Variants in WWOX observed in about 807,000 individuals in gnomAD.
The protein encoded by WWOX is WW domain-containing oxidoreductase.
WWOX carries 69 observed loss-of-function variants against 46.2 expected under a neutral mutation model. The ratio of observed to expected loss-of-function variants is 1.49; its 90% confidence interval spans 1.23 to 1.82. WWOX has a LOEUF of 1.82. Among genes scored for constraint, WWOX ranks in the 40% most tolerant of loss-of-function variants. The pLI, the probability that WWOX is intolerant of heterozygous loss-of-function variation, is 0.00. For synonymous variants in WWOX, 359 were observed against 202.6 expected (o/e 1.77, Z -6.56); for missense variants, 919 against 542.6 (o/e 1.69, Z -6.89).
intron 8 of WWOX, among the ~76,000 whole-genome samples, chr16:78,629,800 C>T (rs888960704): frequency 2.6e-5 from 4 of 152,126 alleles, no homozygotes; most frequent in Non-Finnish European, 2.9e-5. Flanking sequence ...TCTTTGAACT[C>T]ATTCCAAAAA....
At chr16:78,524,428 A>ATTTGTTTG (rs1428287142) in intron 8 of WWOX, among the ~76,000 whole-genome samples, 4 of 148,194 alleles carry the variant, frequency 2.7e-5, no homozygotes, top group African/African-American at 1.0e-4. Context: ...TTATTTATTT[A>ATTTGTTTG]TTTGTTTGTT....
intron 8 of WWOX, among the ~76,000 whole-genome samples, chr16:79,201,849 G>T (rs1162513975): frequency 6.6e-6 from 1 of 152,078 alleles, no homozygotes; most frequent in Non-Finnish European, 1.5e-5. Flanking sequence ...TGTTTTATAA[G>T]CTCAGGTGAT....
chr16:79,060,040 C>G (rs979336140), intron 8 of WWOX, among the ~76,000 whole-genome samples: 7 of 152,150 alleles, frequency 4.6e-5, no homozygotes, highest in African/African-American at 1.7e-4. Flanking sequence ...TGATAAATAA[C>G]TGAAACCAAA....
intron 8 of WWOX, among the ~76,000 whole-genome samples, chr16:78,558,780 C>T (rs2044364805): frequency 6.6e-6 from 1 of 152,356 alleles, no homozygotes; most frequent in South Asian, 2.1e-4. Context: ...TCACATTCTT[C>T]TGCCTAGAGT....
In WWOX at chr16:78,319,987, C is replaced by T. The variant is rs190903811; in HGVS notation, c.517-66873C>T. Among the ~76,000 whole-genome samples, 8 of 152,302 alleles carry T rather than the reference C, an allele frequency of 5.3e-5. No individual in the cohort carries two copies. In the East Asian group the frequency reaches 1.5e-3, roughly 29 times the overall value. On this transcript the variant is annotated intron_variant, in intron 5 of 8. Transcript: ENST00000566780. ...AATCAGAATTCCCTCCTAATGTAAA[C>T]TCTCATTATATCTTTTAACTTTATT...
intron 8 of WWOX, among the ~76,000 whole-genome samples, chr16:78,453,209 A>T (rs1169085986): frequency 1.3e-5 from 2 of 152,078 alleles, no homozygotes; most frequent in Non-Finnish European, 2.9e-5. Flanking sequence ...GGATTACCTA[A>T]GGTCAGGAGT....
intron 8 of WWOX, among the ~76,000 whole-genome samples, chr16:79,100,699 G>A (rs1242457435): frequency 2.0e-5 from 3 of 152,086 alleles, no homozygotes; most frequent in Non-Finnish European, 2.9e-5. Context: ...TCAGCCTAAG[G>A]GGGTGCTTCA....
At chr16:78,701,633 C>A (rs2048220358) in intron 8 of WWOX, among the ~76,000 whole-genome samples, 3 of 152,194 alleles carry the variant, frequency 2.0e-5, no homozygotes, top group Admixed American at 2.0e-4. Flanking sequence ...CTCCTTCTTT[C>A]CCTCTCCTCT....
intron 5 of WWOX, among the ~76,000 whole-genome samples, chr16:78,375,846 T>C (rs1379316078): frequency 7.1e-6 from 1 of 141,506 alleles, no homozygotes; most frequent in Non-Finnish European, 1.5e-5. Context: ...GAGTAACATG[T>C]ATAGGATTTT....
chr16:78,248,485 C>T (rs1227256537), intron 5 of WWOX, among the ~76,000 whole-genome samples: 1 of 152,130 alleles, frequency 6.6e-6, no homozygotes, highest in Non-Finnish European at 1.5e-5. Context: ...TCTGTAATCC[C>T]AGCACTTTGG....
chr16:78,340,748 G>T (rs1250235421), intron 5 of WWOX, among the ~76,000 whole-genome samples: 1 of 118,126 alleles, frequency 8.5e-6, no homozygotes, highest in Non-Finnish European at 2.0e-5. Flanking sequence ...TCTGCTTGGG[G>T]AAGGTGTAGC....
intron 5 of WWOX, among the ~76,000 whole-genome samples, chr16:78,283,618 G>A (rs55857801): frequency 0.058 from 8,752 of 151,944 alleles, 330 homozygotes; most frequent in South Asian, 0.14. Context: ...ATTTATTCCT[G>A]GTTTCCTGTG....
intron 8 of WWOX, among the ~76,000 whole-genome samples, chr16:78,848,068 C>G (rs539378352): frequency 1.3e-5 from 2 of 152,324 alleles, no homozygotes; most frequent in South Asian, 4.1e-4. Context: ...ACTAGCCAAG[C>G]TACCACCTGA....
intron 8 of WWOX, among the ~76,000 whole-genome samples, chr16:78,767,451 G>A (rs1159239729): frequency 2.0e-5 from 3 of 148,966 alleles, no homozygotes; most frequent in African/African-American, 7.5e-5. Context: ...TGTTATGGCT[G>A]AATAATGTTT....
chr16:78,426,130 C>T lies in WWOX; in HGVS notation c.791+1075C>T, dbSNP rs148995763. Among the ~76,000 whole-genome samples, 11 of 152,266 alleles carry T rather than the reference C, an allele frequency of 7.2e-5. No homozygotes were observed. In the East Asian group the frequency reaches 1.9e-3, roughly 27 times the overall value. On this transcript the variant is annotated intron_variant, in intron 7 of 8. Coordinates refer to ENST00000566780, the MANE Select transcript of WWOX (RefSeq NM_016373.4). ...GTAAATGCCAGTAATAATCCTCCCC[C>T]GTGTTAAAAGACATGAAACATCTAG...
At chr16:79,069,681 G>A (rs79682937) in intron 8 of WWOX, among the ~76,000 whole-genome samples, 1,645 of 152,116 alleles carry the variant, frequency 0.011, 28 homozygotes, top group African/African-American at 0.037. Context: ...ATGTCAGTGT[G>A]CAAATAGAAA....
In WWOX at chr16:78,422,838, TACATATACACACACACACAC is replaced by T. The variant is rs1567563685; in HGVS notation, c.606-2028_606-2009del. On this transcript the variant is annotated intron_variant, in intron 6 of 8. Transcript: ENST00000566780. ...ATATATACACACACATATATATATA[TACATATACACACACACACAC>T]ACACACACACACACACACACACACA... Among the ~76,000 whole-genome samples, 297 of 96,418 alleles carry T rather than the reference TACATATACACACACACACAC, an allele frequency of 3.1e-3. 8 individuals are homozygous for T. The highest frequency in any genetic ancestry group is 0.014 in the Middle Eastern group (3 of 216). 63.3% of individuals were successfully genotyped at this position (96,418 alleles called of 152,430 possible).
At chr16:78,558,243 T>G (rs900090002) in intron 8 of WWOX, among the ~76,000 whole-genome samples, 1 of 152,198 alleles carries the variant, frequency 6.6e-6, no homozygotes, top group African/African-American at 2.4e-5. Context: ...GTAAGAAAAT[T>G]TCTAGTGCCT....
chr16:78,522,002 C>G (rs1425952379), intron 8 of WWOX, among the ~76,000 whole-genome samples: 1 of 151,996 alleles, frequency 6.6e-6, no homozygotes, highest in East Asian at 1.9e-4. Context: ...AACTGAAATT[C>G]AGAGAGATTA....
Sources: allele counts gnomAD v4.1 joint callset (sites outside exome capture counted in the v4.1 genomes callset), GRCh38; gene constraint gnomAD v4.1.1; transcripts MANE v1.5; gene names NCBI Gene and HGNC (gene_info 2026-07-23, HGNC 2026-07-21).